ZNF564: variants seen among roughly 807,000 people sequenced by gnomAD.
ZNF564 encodes zinc finger protein 564.
ZNF564 carries 5 observed loss-of-function variants against 10.5 expected under a neutral mutation model. The ratio of observed to expected loss-of-function variants is 0.48; its 90% CI spans 0.25 to 1.00. The LOEUF is 1.00. Ranked by LOEUF, ZNF564 falls within the 50% of genes least tolerant of loss-of-function variation. The probability of loss-of-function intolerance (pLI) is 0.16; values close to 1 mark genes in which losing one functional copy is unlikely to be tolerated. For missense variants in ZNF564, 603 were observed against 669.7 expected (o/e 0.90, Z 1.10); for synonymous variants, 242 against 218.1 (o/e 1.11, Z -0.97).
chr19:12,538,055 TTAAC>T (rs1450779310), intron 1 of ZNF564, among the ~76,000 whole-genome samples: 5 of 152,036 alleles, frequency 3.3e-5, no homozygotes, highest in African/African-American at 1.2e-4. Flanking sequence ...GTGGTAAAAG[TTAAC>T]TAAGTCTCAA....
intron 1 of ZNF564, among the ~76,000 whole-genome samples, chr19:12,546,538 TAAC>T (rs1306981216): frequency 6.6e-6 from 1 of 151,902 alleles, no homozygotes; most frequent in East Asian, 1.9e-4. Context: ...TCATCCTGGC[TAAC>T]ACGGTGAAAC....
intron 2 of ZNF564, 82 bp downstream of exon 2, chr19:12,528,488 A>G (rs1485655609): frequency 2.5e-6 from 4 of 1,593,112 alleles, no homozygotes; most frequent in Admixed American, 3.7e-5. Flanking sequence ...CCTTTTCCAC[A>G]TTAGACATCA....
At chr19:12,545,838 A>G (rs2022141556) in intron 1 of ZNF564, among the ~76,000 whole-genome samples, 2 of 151,994 alleles carry the variant, frequency 1.3e-5, no homozygotes, top group African/African-American at 4.8e-5. Context: ...TTGCTCAAAA[A>G]TTTTTACACA....
intron 1 of ZNF564, among the ~76,000 whole-genome samples, chr19:12,534,096 C>T (rs1300835997): frequency 2.6e-5 from 4 of 152,128 alleles, no homozygotes; most frequent in Admixed American, 2.6e-4. Flanking sequence ...CTGCAGCTAA[C>T]ATCATACTTA....
intron 1 of ZNF564, among the ~76,000 whole-genome samples, chr19:12,541,084 A>AG (rs1315613455): frequency 1.3e-5 from 2 of 149,950 alleles, no homozygotes; most frequent in Non-Finnish European, 3.0e-5. Context: ...AAAAAAAAAA[A>AG]AAAAGAAACA....
intron 1 of ZNF564, among the ~76,000 whole-genome samples, chr19:12,540,736 C>A (rs1204859856): frequency 1.3e-5 from 2 of 152,000 alleles, no homozygotes; most frequent in Non-Finnish European, 2.9e-5. Context: ...CGCCTGTAGT[C>A]CCAGCTACTC....
At chr19:12,551,040 C>T (rs1319968818) in intron 1 of ZNF564, among the ~76,000 whole-genome samples, 2 of 152,236 alleles carry the variant, frequency 1.3e-5, no homozygotes, top group Admixed American at 6.5e-5. Flanking sequence ...TCCCGTGTCC[C>T]AGTACAAACA....
At chr19:12,537,663 G>A (rs1316961543) in intron 1 of ZNF564, among the ~76,000 whole-genome samples, 12 of 151,664 alleles carry the variant, frequency 7.9e-5, no homozygotes, top group Non-Finnish European at 1.3e-4. Context: ...ACTTGAACCC[G>A]GGAGGCGGAG....
rs2021708186 is a variant in ZNF564, at chr19:12,527,380, T to G, written c.728A>C (p.His243Pro). 6.2e-7 allele frequency: 1 copy of G among 1,614,078 alleles called. No homozygotes were observed. Among genetic ancestry groups the G allele is most frequent in the Admixed American group, 1.7e-5 (1 of 59,998 alleles). ...TCCATCTCCAGTGTGCCTAATCATG[T>G]GTCTTTGAAAACTTGGAAGAGAAAT... is the stretch of plus-strand genomic sequence containing the variant. ...AFISLPSFQR[H>P]MIRHTGDGPY... The change falls in exon 4 of 4, where the codon CAC becomes CCC. Residue 243 changes from histidine (H) to proline (P), a missense_variant. Coordinates refer to ENST00000339282, the MANE Select transcript of ZNF564 (RefSeq NM_144976.4).
intron 1 of ZNF564, among the ~76,000 whole-genome samples, chr19:12,538,159 C>G (rs2021956415): frequency 6.6e-6 from 1 of 151,926 alleles, no homozygotes; most frequent in Admixed American, 6.6e-5. Flanking sequence ...TATACATTTA[C>G]ACTGTTAATA....
rs1024922724 is a variant in ZNF564, at chr19:12,528,363, T to C, written c.132A>G (p.Gly44=). ...RETFRNLACV[G]KKWEDQSIED... ...CAATGCTCTGGTCTTCCCATTTTTT[T>C]CCTAAAATATAGTCAGAAAAAATCC... The change falls in exon 3 of 4, where the codon GGA becomes GGG. Residue 44 remains glycine, a splice_region_variant and synonymous_variant. Coordinates refer to ENST00000339282, the MANE Select transcript of ZNF564 (RefSeq NM_144976.4). 10 of 1,603,758 alleles carry C rather than the reference T, an allele frequency of 6.2e-6. No individual in the cohort carries two copies. The highest frequency in any genetic ancestry group is 2.7e-5 in the African/African-American group (2 of 74,068).
rs2021670433 is a variant in ZNF564 at position 12,525,835 on chromosome 19, A to G, written c.*611T>C. The G allele has an allele frequency of 6.6e-6, 1 of 152,260 alleles. No individual in the cohort carries two copies. Among genetic ancestry groups the G allele is most frequent in the African/African-American group, 2.4e-5 (1 of 41,426 alleles). The allele number at this position is 152,260 out of a possible 1,614,324, so 9.4% of individuals were successfully genotyped here. ...CCTGCTTCCCGGTTCAAAGATAGCT[A>G]TCTTCTCACTGCACCCTCTCATGGT... On this transcript the variant is annotated 3_prime_UTR_variant, in exon 4 of 4. Transcript: ENST00000339282.
chr19:12,528,526 C>T (rs2021737166), intron 2 of ZNF564, 44 bp downstream of exon 2: 9 of 1,603,272 alleles, frequency 5.6e-6, no homozygotes, highest in Non-Finnish European at 5.9e-6. Context: ...GCAAGAAATA[C>T]TTCTTCTCTA....
At chr19:12,543,732 A>C (rs1167598077) in intron 1 of ZNF564, among the ~76,000 whole-genome samples, 1 of 152,000 alleles carries the variant, frequency 6.6e-6, no homozygotes, top group Non-Finnish European at 1.5e-5. Flanking sequence ...AAAAACAGCA[A>C]AGACTTCGTA....
At chr19:12,542,892 C>T (rs1223959420) in intron 1 of ZNF564, among the ~76,000 whole-genome samples, 1 of 152,074 alleles carries the variant, frequency 6.6e-6, no homozygotes, top group Non-Finnish European at 1.5e-5. Flanking sequence ...GTCCCAGCTA[C>T]TTGGGAGGCT....
At chr19:12,539,402 G>A (rs2021989948) in intron 1 of ZNF564, among the ~76,000 whole-genome samples, 1 of 151,660 alleles carries the variant, frequency 6.6e-6, no homozygotes, top group East Asian at 1.9e-4. Flanking sequence ...GCTCACGCCT[G>A]TAATTCCAGC....
intron 1 of ZNF564, among the ~76,000 whole-genome samples, chr19:12,536,760 G>A (rs1488960189): frequency 6.6e-6 from 1 of 152,166 alleles, no homozygotes; most frequent in Non-Finnish European, 1.5e-5. Context: ...ACTTTGGGAA[G>A]CCGATAGAGT....
rs113197741 is a variant in ZNF564 at position 12,549,010 on chromosome 19, T to C, written c.3+2320A>G. Reference sequence around the variant, plus strand: ...CAGTAGCATTCTCAAGGCTAAGTTCTGGGATTGATCTGAAATCACCCAAAA... The same window carrying C: ...CAGTAGCATTCTCAAGGCTAAGTTCCGGGATTGATCTGAAATCACCCAAAA... On this transcript the variant is annotated intron_variant, in intron 1 of 3. Transcript: ENST00000339282. 1.6e-3 allele frequency: 1,018 copies of C among 626,014 alleles called. 12 individuals carry two copies. In the African/African-American group the frequency reaches 0.017, roughly 11 times the overall value. 38.8% of individuals were successfully genotyped at this position (626,014 alleles called of 1,614,324 possible). A position where few individuals can be genotyped will look rare whatever the true frequency, so the allele number is the denominator to read the frequency against.
At chr19:12,529,995 A>G (rs542219480) in intron 1 of ZNF564, 40 of 158,278 alleles carry the variant, frequency 2.5e-4, no homozygotes, top group African/African-American at 9.1e-4. Context: ...AAAAAAAAAA[A>G]AAAAAAGAAA....
Sources: allele counts gnomAD v4.1 joint callset (sites outside exome capture counted in the v4.1 genomes callset), GRCh38; gene constraint gnomAD v4.1.1; transcripts MANE v1.5; gene names NCBI Gene and HGNC (gene_info 2026-07-23, HGNC 2026-07-21).